Variants in TENT2 observed in about 807,000 individuals in gnomAD.
The protein encoded by TENT2 is terminal nucleotidyltransferase 2.
A neutral mutation model predicts 72.2 loss-of-function variants in TENT2; 44 were observed. The observed-to-expected ratio is 0.61, with a 90% CI of 0.48 to 0.78. TENT2 has a LOEUF of 0.78. TENT2 is among the 30% of genes least tolerant of loss of function. The pLI is 0.00. For synonymous variants in TENT2, 212 were observed against 192.5 expected, an observed-to-expected ratio of 1.10 and a Z score of -0.84; for missense variants, 541 against 569.6, an observed-to-expected ratio of 0.95 and a Z score of 0.51.
intron 4 of TENT2, among the ~76,000 whole-genome samples, chr5:79,627,538 T>C (rs1771370555): frequency 6.6e-6 from 1 of 152,198 alleles, no homozygotes; most frequent in Non-Finnish European, 1.5e-5. Flanking sequence ...CAGGCTCAAG[T>C]GTAATGGCAC....
chr5:79,633,813 T>A (rs1777712143), intron 4 of TENT2, among the ~76,000 whole-genome samples: 1 of 151,282 alleles, frequency 6.6e-6, no homozygotes, highest in Non-Finnish European at 1.5e-5. Context: ...GTGAAGGTTA[T>A]ACAGTGTTAA....
intron 4 of TENT2, among the ~76,000 whole-genome samples, chr5:79,625,049 C>T (rs1434883800): frequency 1.3e-5 from 2 of 152,168 alleles, no homozygotes; most frequent in African/African-American, 4.8e-5. Context: ...TGCTTTTGAA[C>T]TTGCAAAACT....
chr5:79,659,705 C>G (rs1801237700), intron 11 of TENT2, among the ~76,000 whole-genome samples: 1 of 150,408 alleles, frequency 6.6e-6, no homozygotes, highest in Non-Finnish European at 1.5e-5. Flanking sequence ...TCCTCTTTCA[C>G]TAATGAAGAA....
intron 10 of TENT2, among the ~76,000 whole-genome samples, chr5:79,651,566 TTA>T (rs1402286748): frequency 1.3e-5 from 2 of 151,992 alleles, no homozygotes; most frequent in African/African-American, 4.8e-5. Context: ...AGTCTGATTG[TTA>T]CACCCTTTCC....
At chr5:79,659,872 A>G (rs1801378671) in intron 11 of TENT2, among the ~76,000 whole-genome samples, 2 of 139,980 alleles carry the variant, frequency 1.4e-5, no homozygotes, top group South Asian at 2.2e-4. Flanking sequence ...CTGATTGTTC[A>G]TATACAGATA....
intron 11 of TENT2, among the ~76,000 whole-genome samples, chr5:79,660,846 A>T (rs1802301304): frequency 6.6e-6 from 1 of 152,164 alleles, no homozygotes; most frequent in Non-Finnish European, 1.5e-5. Context: ...ATATGAAATG[A>T]CAGCTCCATG....
intron 3 of TENT2, among the ~76,000 whole-genome samples, chr5:79,622,613 A>G (rs1407965621): frequency 6.6e-6 from 1 of 152,162 alleles, no homozygotes; most frequent in Non-Finnish European, 1.5e-5. Flanking sequence ...CATATGAAAG[A>G]AAGTTGTTGA....
At chr5:79,661,005 A>G (rs60175161) in intron 11 of TENT2, among the ~76,000 whole-genome samples, 3,336 of 152,240 alleles carry the variant, frequency 0.022, 122 homozygotes, top group African/African-American at 0.077. Context: ...GAAAAAAAAA[A>G]TTTAAAATAG....
intron 10 of TENT2, among the ~76,000 whole-genome samples, chr5:79,651,584 T>G (rs1425744681): frequency 6.6e-6 from 1 of 152,064 alleles, no homozygotes; most frequent in Non-Finnish European, 1.5e-5. Context: ...TTTCCACTTT[T>G]GGCACACACA....
intron 4 of TENT2, among the ~76,000 whole-genome samples, chr5:79,632,725 G>T (rs1482795340): frequency 6.6e-6 from 1 of 152,042 alleles, no homozygotes; most frequent in Non-Finnish European, 1.5e-5. Flanking sequence ...GAACAGTTTG[G>T]GGATAGTTAT....
At chr5:79,626,906 C>T (rs1172671996) in intron 4 of TENT2, among the ~76,000 whole-genome samples, 3 of 151,696 alleles carry the variant, frequency 2.0e-5, no homozygotes, top group African/African-American at 2.4e-5. Flanking sequence ...CCAAGGTAGG[C>T]GGATCACAAG....
At chr5:79,640,354 G>C (rs1005637516) in intron 4 of TENT2, among the ~76,000 whole-genome samples, 1 of 152,056 alleles carries the variant, frequency 6.6e-6, no homozygotes, top group African/African-American at 2.4e-5. Context: ...CATGAGCCTG[G>C]AAGACCGGGG....
At chr5:79,667,092 C>T (rs1454386749) in intron 11 of TENT2, among the ~76,000 whole-genome samples, 4 of 152,120 alleles carry the variant, frequency 2.6e-5, no homozygotes, top group Non-Finnish European at 4.4e-5. Context: ...GTGGATCTCA[C>T]GACTCTTCAG....
At chr5:79,619,338 T>C (rs1027351703) in intron 1 of TENT2, among the ~76,000 whole-genome samples, 1 of 152,178 alleles carries the variant, frequency 6.6e-6, no homozygotes, top group Non-Finnish European at 1.5e-5. Context: ...TCTAAAAGAT[T>C]TGTTGATACG....
chr5:79,678,089 A>G (rs1818690317), intron 12 of TENT2, among the ~76,000 whole-genome samples: 1 of 152,342 alleles, frequency 6.6e-6, no homozygotes, highest in Non-Finnish European at 1.5e-5. Flanking sequence ...TACTATTTCC[A>G]TTTGACAACC....
intron 7 of TENT2, among the ~76,000 whole-genome samples, chr5:79,643,209 T>A (rs1003722393): frequency 6.6e-6 from 1 of 152,126 alleles, no homozygotes; most frequent in African/African-American, 2.4e-5. Flanking sequence ...AATTAAAGCA[T>A]GAATATAAAT....
Position 79,649,142 on chromosome 5 carries a change from A to G in TENT2, c.979A>G (p.Thr327Ala), listed in dbSNP as rs1174302676. The G allele has an allele frequency of 1.2e-6, 2 of 1,613,564 alleles. No homozygotes were observed. The highest frequency in any genetic ancestry group is 1.7e-6 in the Non-Finnish European group (2 of 1,179,710). Residue 327 changes from threonine to alanine, a missense_variant, in exon 10 of 15, where the codon ACT becomes GCT. Transcript: ENST00000453514. ...HHQINDASRG[T>A]LSSYSLVLMV... ...TCAGATAAATGATGCCAGTCGTGGTACTTTAAGCAGCTATAGTCTTGTATT... is the reference window on the plus strand; with the variant it reads ...TCAGATAAATGATGCCAGTCGTGGTGCTTTAAGCAGCTATAGTCTTGTATT...
chr5:79,670,449 C>T (rs1166459704), intron 12 of TENT2, among the ~76,000 whole-genome samples: 1 of 151,480 alleles, frequency 6.6e-6, no homozygotes, highest in Non-Finnish European at 1.5e-5. Context: ...CTCAGCCTCC[C>T]AAGTTGCTGG....
intron 11 of TENT2, among the ~76,000 whole-genome samples, chr5:79,661,307 G>A (rs1168875751): frequency 1.3e-5 from 2 of 152,118 alleles, no homozygotes; most frequent in Non-Finnish European, 2.9e-5. Context: ...ACTTCTGCAA[G>A]CCCCACTCAT....
Sources: gnomAD v4.1 joint callset for allele counts (sites outside exome capture counted in the v4.1 genomes callset) on GRCh38, gnomAD v4.1.1 for gene constraint, MANE v1.5 for transcripts, NCBI Gene and HGNC (gene_info 2026-07-23, HGNC 2026-07-21) for gene names.